Variants in PLAA observed in about 807,000 individuals in gnomAD.
PLAA encodes phospholipase A2 activating protein.
In PLAA, 48 loss-of-function variants were observed where a neutral mutation model predicts 84.1. That is an observed-to-expected ratio of 0.57 (90% CI 0.45 to 0.73). The LOEUF is 0.73. Ranked by LOEUF, PLAA falls within the 30% of genes least tolerant of loss-of-function variation. The probability of loss-of-function intolerance (pLI) is 0.00; values close to 1 mark genes in which losing one functional copy is unlikely to be tolerated. For missense variants in PLAA, 903 were observed against 954.7 expected (o/e 0.95, Z 0.71); for synonymous variants, 392 against 336.6 (o/e 1.16, Z -1.80).
intron 12 of PLAA, among the ~76,000 whole-genome samples, chr9:26,909,244 G>A (rs1824327353): frequency 6.6e-6 from 1 of 151,936 alleles, no homozygotes; most frequent in Non-Finnish European, 1.5e-5. Flanking sequence ...CTAATCTCAG[G>A]TATTAACAGC....
intron 1 of PLAA, among the ~76,000 whole-genome samples, chr9:26,946,584 G>C (rs771369250): frequency 6.6e-6 from 1 of 151,632 alleles, no homozygotes; most frequent in Non-Finnish European, 1.5e-5. Context: ...ACTGCAATCA[G>C]TAAATTTTCA....
chr9:26,934,843 T>C (rs569784923), intron 2 of PLAA, among the ~76,000 whole-genome samples, 170 bp downstream of exon 2: 2 of 152,186 alleles, frequency 1.3e-5, no homozygotes, highest in African/African-American at 4.8e-5. Flanking sequence ...ACAACAAATT[T>C]GTAACAGAAT....
intron 13 of PLAA, 46 bp downstream of exon 13, chr9:26,907,773 GATAGAAATGAAGATA>G: frequency 7.3e-7 from 1 of 1,364,118 alleles, no homozygotes; most frequent in African/African-American, 1.5e-5. Context: ...CAGTAATATT[GATAGAAATGAAGATA>G]AAACTTCTTG....
At chr9:26,915,801 T>A (rs919964175) in intron 10 of PLAA, 23 of 985,336 alleles carry the variant, frequency 2.3e-5, no homozygotes, top group Middle Eastern at 5.2e-4. Flanking sequence ...AGGAGTTTTC[T>A]TGATTTTGCT....
At position 26,923,318 on chromosome 9, in the gene PLAA, G is replaced by A. The variant is rs1824834092; in HGVS notation, c.899C>T (p.Ser300Leu). The change falls in exon 7 of 14, where the codon TCA becomes TTA. Residue 300 changes from serine to leucine, a missense_variant. Physicochemically the swap from Ser to Leu is moderately radical, Grantham distance 145. Transcript: ENST00000397292. ...TTCAGCACTTGCTGTTCGATCTTCT[G>A]ATTCTGTAAACACTCTAATAATGCC... Reference protein sequence around the residue: ...SDGIIRVFTESEDRTASAEEI... With the variant: ...SDGIIRVFTELEDRTASAEEI... 3 of 1,612,584 alleles carry A rather than the reference G, an allele frequency of 1.9e-6. No individual in the cohort carries two copies. The South Asian group carries it at 3.3e-5, about 18-fold the overall frequency.
intron 1 of PLAA, among the ~76,000 whole-genome samples, chr9:26,943,928 T>G (rs1825613502): frequency 6.6e-6 from 1 of 152,190 alleles, no homozygotes; most frequent in South Asian, 2.1e-4. Context: ...CATTCCAGCC[T>G]GGGCAACAAA....
At chr9:26,946,828 G>A (rs950294083) in intron 1 of PLAA, 69 bp downstream of exon 1, 2 of 1,474,654 alleles carry the variant, frequency 1.4e-6, no homozygotes, top group Middle Eastern at 1.8e-4. Context: ...TGACAGGGAA[G>A]GGTCACTCTC....
Position 26,909,494 on chromosome 9 carries a change from T to C in PLAA, c.1657+844A>G, listed in dbSNP as rs562224694. Among the ~76,000 whole-genome samples the C allele has an allele frequency of 2.0e-5, 3 of 152,300 alleles. No individual in the cohort carries two copies. The East Asian group carries it at 5.8e-4, about 29-fold the overall frequency. The stretch of plus-strand genomic sequence containing the variant: ...AACCCAATTAATTCTCATCATAATC[T>C]TTGTGGCAAACAAAGCTAATAAGTA... On this transcript the variant is annotated intron_variant, in intron 12 of 13. Transcript: ENST00000397292.
At position 26,935,194 on chromosome 9, in the gene PLAA, G is replaced by A; in HGVS notation, c.162C>T (p.Ser54=). 1 of 1,563,332 alleles carries A rather than the reference G, an allele frequency of 6.4e-7. No homozygotes were observed. Among genetic ancestry groups the A allele is most frequent in the Non-Finnish European group, 8.6e-7 (1 of 1,160,822 alleles). ...CACTCATACAGTGCATTTCTGTAAAGCTCCTGTTTGGACTGGAAAGACAAG... is the reference window on the plus strand; with the variant it reads ...CACTCATACAGTGCATTTCTGTAAAACTCCTGTTTGGACTGGAAAGACAAG... ...RLWAPDSPNR[S]FTEMHCMSGH... Residue 54 remains serine (S), a synonymous_variant, in exon 2 of 14, where the codon AGC becomes AGT. Coordinates refer to ENST00000397292, the MANE Select transcript of PLAA (RefSeq NM_001031689.3).
chr9:26,913,809 A>G (rs1445538203), intron 11 of PLAA, 70 bp downstream of exon 11: 46 of 1,097,446 alleles, frequency 4.2e-5, no homozygotes, highest in Non-Finnish European at 6.0e-5. Flanking sequence ...AAATTTTCTT[A>G]CTCTTTTTAT....
chr9:26,940,089 A>C (rs779432577), intron 1 of PLAA, among the ~76,000 whole-genome samples: 1 of 152,216 alleles, frequency 6.6e-6, no homozygotes, highest in African/African-American at 2.4e-5. Flanking sequence ...CTACAGAAAA[A>C]AGTATGGAAA....
At chr9:26,930,531 T>C (rs1825147779) in intron 2 of PLAA, among the ~76,000 whole-genome samples, 1 of 151,982 alleles carries the variant, frequency 6.6e-6, no homozygotes, top group Non-Finnish European at 1.5e-5. Context: ...TATTAATCCA[T>C]GTTGAACATG....
chr9:26,912,759 CACAG>C (rs1409863498), intron 11 of PLAA, among the ~76,000 whole-genome samples: 1 of 152,010 alleles, frequency 6.6e-6, no homozygotes, highest in Admixed American at 6.6e-5. Context: ...AAAACAAAAG[CACAG>C]ACACATCAAA....
rs1385484105 is a variant in PLAA, at chr9:26,905,965, T to C, written c.1934A>G (p.Asn645Ser). ...EGAQFSSHLI[N>S]LLNPKGKPAN... ...TGGCTTTCCTTTAGGGTTCAGAAGA[T>C]TGATAAGATGACTGCTGAACTGAGC... The change falls in exon 14 of 14, where the codon AAT becomes AGT. Residue 645 changes from asparagine to serine, a missense_variant. Asn to Ser is a conservative substitution (Grantham distance 46, BLOSUM62 1). Coordinates refer to ENST00000397292, the MANE Select transcript of PLAA (RefSeq NM_001031689.3). The C allele has an allele frequency of 4.3e-6, 7 of 1,614,056 alleles. No homozygotes were observed. Among genetic ancestry groups the C allele is most frequent in the Middle Eastern group, 1.6e-4 (1 of 6,084 alleles).
intron 12 of PLAA, 100 bp from the exon 13 acceptor site, chr9:26,908,098 T>C (rs1484642316): frequency 1.9e-5 from 15 of 794,236 alleles, no homozygotes; most frequent in Non-Finnish European, 3.0e-5. Flanking sequence ...GTGTACACCA[T>C]GGGGAGTTAA....
intron 11 of PLAA, among the ~76,000 whole-genome samples, chr9:26,913,213 A>G (rs909762663): frequency 2.0e-5 from 3 of 152,250 alleles, no homozygotes; most frequent in Non-Finnish European, 4.4e-5. Context: ...ATATGCCAAG[A>G]TATCTGTCAA....
intron 1 of PLAA, among the ~76,000 whole-genome samples, chr9:26,937,906 T>C (rs888726157): frequency 2.0e-5 from 3 of 147,978 alleles, no homozygotes; most frequent in Admixed American, 6.7e-5. Flanking sequence ...AAGGGACTTG[T>C]GGAACAACAT....
intron 12 of PLAA, among the ~76,000 whole-genome samples, chr9:26,908,865 C>A (rs1038638679): frequency 1.3e-5 from 2 of 152,162 alleles, no homozygotes; most frequent in African/African-American, 4.8e-5. Flanking sequence ...AAATTTATAA[C>A]AACTTTTTAG....
In PLAA at chr9:26,914,072, T is replaced by C. The variant is rs186663345; in HGVS notation, c.1487-125A>G. 3.8e-3 allele frequency: 2,448 copies of C among 648,912 alleles called. 6 individuals carry two copies. Among genetic ancestry groups the C allele is most frequent in the Non-Finnish European group, 5.3e-3 (1,972 of 369,082 alleles). The allele number at this position is 648,912 out of a possible 1,614,324, so 40.2% of individuals were successfully genotyped here. ...GGCGTCATTATATACATAATAAATA[T>C]GCCACAAATTTAATACAGAAAAGTG... On this transcript the variant is annotated intron_variant, in intron 10 of 13. Coordinates refer to ENST00000397292, the MANE Select transcript of PLAA (RefSeq NM_001031689.3).
Sources: gnomAD v4.1 joint callset for allele counts (sites outside exome capture counted in the v4.1 genomes callset) on GRCh38, gnomAD v4.1.1 for gene constraint, MANE v1.5 for transcripts, NCBI Gene and HGNC (gene_info 2026-07-23, HGNC 2026-07-21) for gene names.